The following TBC1D16 variants were observed in gnomAD, a reference collection of about 807,000 sequenced individuals.
The protein encoded by TBC1D16 is CTD-2529O21.1.
TBC1D16 carries 58 observed loss-of-function variants against 74.7 expected under a neutral mutation model. That is an observed-to-expected ratio of 0.78 (90% CI 0.63 to 0.97). TBC1D16 has a LOEUF of 0.97. TBC1D16 is among the 50% of genes least tolerant of loss of function. The pLI is 0.00. For missense variants in TBC1D16, 1,014 were observed against 1,079.5 expected, an observed-to-expected ratio of 0.94 and a Z score of 0.85; for synonymous variants, 493 against 474.7, an observed-to-expected ratio of 1.04 and a Z score of -0.50.
chr17:79,944,109 T>C lies in TBC1D16; in HGVS notation c.1908+799A>G. On this transcript the variant is annotated intron_variant, in intron 10 of 11. Coordinates refer to ENST00000310924, the MANE Select transcript of TBC1D16 (RefSeq NM_019020.4). This position sits in a 1 kb window ranked among gnomAD's most constrained non-coding sequence, Gnocchi z 7.7. The stretch of plus-strand genomic sequence containing the variant: ...TCGCTTTCATCAGACATCAGCCCCC[T>C]GCGGTGTGAGTGAGGACAGGAGACG... The C allele has an allele frequency of 6.5e-7, 1 of 1,535,950 alleles. No individual in the cohort carries two copies. Among genetic ancestry groups the C allele is most frequent in the Non-Finnish European group, 8.7e-7 (1 of 1,146,836 alleles).
Position 80,020,303 on chromosome 17 carries a change from G to A in TBC1D16, c.-62-6694C>T, listed in dbSNP as rs574270941. Among the ~76,000 whole-genome samples, 7 of 150,082 alleles carry A rather than the reference G, an allele frequency of 4.7e-5. No individual in the cohort carries two copies. The South Asian group carries it at 1.3e-3, about 27-fold the overall frequency. ...TATTAACACATTTAAAAAGTATAAG[G>A]CCAGGTGTGGTGGCTCACGCCTGTA... On this transcript the variant is annotated intron_variant, in intron 1 of 11. Coordinates refer to ENST00000310924, the MANE Select transcript of TBC1D16 (RefSeq NM_019020.4).
intron 3 of TBC1D16, among the ~76,000 whole-genome samples, chr17:79,964,926 C>T (rs994183349): frequency 6.6e-6 from 1 of 151,816 alleles, no homozygotes; most frequent in Non-Finnish European, 1.5e-5. Flanking sequence ...GTATTTTATA[C>T]CTATGCAAGT....
At position 79,975,968 on chromosome 17, in the gene TBC1D16, C is replaced by T. The variant is rs897153293; in HGVS notation, c.780-23150G>A. 4.6e-5 allele frequency among the ~76,000 whole-genome samples: 7 copies of T among 152,170 alleles called. No individual in the cohort carries two copies. Among genetic ancestry groups the T allele is most frequent in the African/African-American group, 1.2e-4 (5 of 41,450 alleles). On this transcript the variant is annotated intron_variant, in intron 3 of 11. Transcript: ENST00000310924. The surrounding 1 kb of genome is among the most constrained non-coding windows in gnomAD (Gnocchi z 4.5). The stretch of plus-strand genomic sequence containing the variant: ...ACAGCTTCTGCGGCTCCCCAGGCAA[C>T]GGAGCCAGTCAGGGCATGGGGACGC...
At position 79,979,466 on chromosome 17, in the gene TBC1D16, G is replaced by A. The variant is rs1442287826; in HGVS notation, c.780-26648C>T. ...AGGGGAGATGGGAGAGGCCTGAAGC[G>A]GGAGGCGGGAGGACCGCATAGCTGC... On this transcript the variant is annotated intron_variant, in intron 3 of 11. Transcript: ENST00000310924. This position sits in a 1 kb window ranked among gnomAD's most constrained non-coding sequence, Gnocchi z 4.8. Among the ~76,000 whole-genome samples, 3 of 152,214 alleles carry A rather than the reference G, an allele frequency of 2.0e-5. No homozygotes were observed. The highest frequency in any genetic ancestry group is 2.9e-5 in the Non-Finnish European group (2 of 68,032).
At position 80,013,249 on chromosome 17, in the gene TBC1D16, AC is replaced by A. The variant is rs375225258; in HGVS notation, c.181+117del. On this transcript the variant is annotated intron_variant, in intron 2 of 11. Coordinates refer to ENST00000310924, the MANE Select transcript of TBC1D16 (RefSeq NM_019020.4). ...CGGGAGGACAGCTGCTGTTAGTTAC[AC>A]GTTCTGGAAGAGGAACCAAATGCAC... is the stretch of plus-strand genomic sequence containing the variant. 6.7e-4 allele frequency: 660 copies of A among 983,568 alleles called. 3 individuals are homozygous for A. The African/African-American group carries it at 0.01, about 15-fold the overall frequency. 60.9% of individuals were successfully genotyped at this position (983,568 alleles called of 1,614,324 possible).
chr17:79,967,226 G>A (rs1031654855), intron 3 of TBC1D16, among the ~76,000 whole-genome samples: 10 of 151,642 alleles, frequency 6.6e-5, no homozygotes, highest in Non-Finnish European at 1.5e-4. Flanking sequence ...AATTAGGCAA[G>A]ATAAAGAAAT....
At chr17:80,030,164 T>C (rs1455963040) in intron 1 of TBC1D16, among the ~76,000 whole-genome samples, 1 of 152,128 alleles carries the variant, frequency 6.6e-6, no homozygotes, top group Non-Finnish European at 1.5e-5. Flanking sequence ...ACAAATTCCC[T>C]GGATTAGGAC....
chr17:79,949,920 C>T (rs2032907871), intron 6 of TBC1D16, 55 bp from the exon 7 acceptor site: 1 of 1,576,358 alleles, frequency 6.3e-7, no homozygotes, highest in Admixed American at 1.8e-5. Flanking sequence ...CTCAAAGAAC[C>T]CCCAAATCCC....
Position 79,942,203 on chromosome 17 carries a change from C to A in TBC1D16, c.1912G>T (p.Asp638Tyr). The change falls in exon 11 of 12, where the codon GAC becomes TAC. Residue 638 changes from aspartate (D) to tyrosine (Y), a missense_variant. Physicochemically the swap from Asp to Tyr is radical, Grantham distance 160. Coordinates refer to ENST00000310924, the MANE Select transcript of TBC1D16 (RefSeq NM_019020.4). ...WEACWAHYQT[D>Y]YFHLFICVAI... Reference sequence around the variant, plus strand: ...ACGCAGATGAAAAGGTGGAAGTAGTCCGTCTGTGGAGGCGGGTAGAGTTCA... The same window carrying A: ...ACGCAGATGAAAAGGTGGAAGTAGTACGTCTGTGGAGGCGGGTAGAGTTCA... The A allele has an allele frequency of 8.1e-6, 13 of 1,597,606 alleles. No homozygotes were observed. Among genetic ancestry groups the A allele is most frequent in the Non-Finnish European group, 1.1e-5 (13 of 1,172,100 alleles).
rs370904572 is a variant in TBC1D16, at chr17:80,010,198, G to A, written c.741C>T (p.Ala247=). Residue 247 remains alanine (A), a synonymous_variant, in exon 3 of 12, where the codon GCC becomes GCT. Transcript: ENST00000310924. This position sits in a 1 kb window ranked among gnomAD's most constrained non-coding sequence, Gnocchi z 8.8. The part of the protein sequence containing the change: ...FCLSPISAAL[A]ESRGSVFLES... ...CCAGAAACACGGAGCCGCGGCTCTC[G>A]GCCAGCGCCGCGCTGATGGGCGAGA... The A allele has an allele frequency of 4.3e-5, 70 of 1,612,418 alleles. 1 individual carries two copies. The highest frequency in any genetic ancestry group is 3.6e-4 in the East Asian group (16 of 44,864).
At chr17:79,942,231 C>A in intron 10 of TBC1D16, 25 bp from the exon 11 acceptor site, 1 of 1,567,772 alleles carries the variant, frequency 6.4e-7, no homozygotes, top group Non-Finnish European at 8.7e-7. Context: ...AGAGTTCAGA[C>A]ACGGGCTCTG....
chr17:79,945,054 C>T lies in TBC1D16; in HGVS notation c.1762G>A (p.Val588Met), dbSNP rs200588963. Residue 588 changes from valine (V) to methionine (M), a missense_variant, in exon 10 of 12, where the codon GTG becomes ATG. Coordinates refer to ENST00000310924, the MANE Select transcript of TBC1D16 (RefSeq NM_019020.4). The stretch of plus-strand genomic sequence containing the variant: ...GAGACCAGGTGCTGGTAGAAGCGCA[C>T]GTGCGTCAGCCGCAGCAGCTCGCGC... ...YLRELLRLTH[V>M]RFYQHLVSLG... 129 of 1,585,402 alleles carry T rather than the reference C, an allele frequency of 8.1e-5. No homozygotes were observed. In the East Asian group the frequency reaches 2.1e-3, roughly 25 times the overall value.
Position 80,001,642 on chromosome 17 carries a change from C to T in TBC1D16, c.779+8518G>A, listed in dbSNP as rs886974836. ...GGATGCAGCCCTCCCAGCTCCTGGC[C>T]ATCCCACCTCCGAGGTCTCTCTGGG... On this transcript the variant is annotated intron_variant, in intron 3 of 11. Transcript: ENST00000310924. The surrounding 1 kb of genome is among the most constrained non-coding windows in gnomAD (Gnocchi z 5.8). Among the ~76,000 whole-genome samples, 10 of 152,128 alleles carry T rather than the reference C, an allele frequency of 6.6e-5. No individual in the cohort carries two copies. Among genetic ancestry groups the T allele is most frequent in the African/African-American group, 1.7e-4 (7 of 41,422 alleles).
intron 3 of TBC1D16, chr17:79,992,877 A>G (rs2035126050): frequency 6.6e-6 from 1 of 152,302 alleles, no homozygotes; most frequent in Non-Finnish European, 1.5e-5. Flanking sequence ...CATTTTGGGA[A>G]CCAGTGAACA....
Position 79,944,913 on chromosome 17 carries a change from A to G in TBC1D16, c.1903T>C (p.Tyr635His). Reference sequence around the variant, plus strand: ...CTGGCCCCTGCCCTGGTCACCTGGTAGTGGGCCCAGCAGGCCTCCCAGATC... The same window carrying G: ...CTGGCCCCTGCCCTGGTCACCTGGTGGTGGGCCCAGCAGGCCTCCCAGATC... ...LRIWEACWAH[Y>H]QTDYFHLFIC... The change falls in exon 10 of 12, where the codon TAC (tyrosine) becomes CAC (histidine). Residue 635 changes from tyrosine to histidine, a missense_variant. Tyr to His is a moderately conservative substitution (Grantham distance 83). Transcript: ENST00000310924. The surrounding 1 kb of genome is among the most constrained non-coding windows in gnomAD (Gnocchi z 7.7). The G allele has an allele frequency of 6.5e-7, 1 of 1,550,072 alleles. No individual in the cohort carries two copies. Among genetic ancestry groups the G allele is most frequent in the Non-Finnish European group, 8.7e-7 (1 of 1,146,922 alleles).
Position 79,980,803 on chromosome 17 carries a change from G to A in TBC1D16, c.780-27985C>T, listed in dbSNP as rs1340335852. 6.6e-6 allele frequency among the ~76,000 whole-genome samples: 1 copy of A among 152,202 alleles called. No homozygotes were observed. Among genetic ancestry groups the A allele is most frequent in the Non-Finnish European group, 1.5e-5 (1 of 68,042 alleles). On this transcript the variant is annotated intron_variant, in intron 3 of 11. Coordinates refer to ENST00000310924, the MANE Select transcript of TBC1D16 (RefSeq NM_019020.4). The surrounding 1 kb of genome is among the most constrained non-coding windows in gnomAD (Gnocchi z 7.0). ...CCCAAAAATCTTCTCGGACTCAGTG[G>A]CACACCTGGGACTGCCCGAATCTGT...
At position 79,954,633 on chromosome 17, in the gene TBC1D16, C is replaced by A. The variant is rs2033248475; in HGVS notation, c.780-1815G>T. Among the ~76,000 whole-genome samples, 1 of 152,164 alleles carries A rather than the reference C, an allele frequency of 6.6e-6. No homozygotes were observed. Among genetic ancestry groups the A allele is most frequent in the African/African-American group, 2.4e-5 (1 of 41,450 alleles). On this transcript the variant is annotated intron_variant, in intron 3 of 11. Transcript: ENST00000310924. The surrounding 1 kb of genome is among the most constrained non-coding windows in gnomAD (Gnocchi z 5.5). ...GGAGCTGCGCTTCAGAATCGTTGCTCACAACACAGGGCAGGTCTCGAGTCT... is the reference window on the plus strand; with the variant it reads ...GGAGCTGCGCTTCAGAATCGTTGCTAACAACACAGGGCAGGTCTCGAGTCT...
chr17:79,984,574 A>G (rs12325703), intron 3 of TBC1D16, among the ~76,000 whole-genome samples: 14,632 of 77,032 alleles, frequency 0.19, 1,146 homozygotes, highest in Non-Finnish European at 0.24. Context: ...GAGAGAGAGA[A>G]AGAAAGAAAA....
intron 3 of TBC1D16, among the ~76,000 whole-genome samples, chr17:79,977,611 C>T (rs375934515): frequency 1.1e-3 from 169 of 152,362 alleles, no homozygotes; most frequent in African/African-American, 3.9e-3. Flanking sequence ...TGGCTGGACG[C>T]TACGATCTCT....
Sources: gnomAD v4.1 joint callset for allele counts (sites outside exome capture counted in the v4.1 genomes callset) on GRCh38, gnomAD v4.1.1 for gene constraint, Gnocchi (gnomAD v3.1) non-coding constraint, MANE v1.5 for transcripts, NCBI Gene and HGNC (gene_info 2026-07-23, HGNC 2026-07-21) for gene names.